NOL10: variants seen among roughly 807,000 people sequenced by gnomAD.
NOL10 encodes nucleolar protein 10.
NOL10 carries 58 observed loss-of-function variants against 103.5 expected under a neutral mutation model. That is an observed-to-expected ratio of 0.56 (90% confidence interval 0.45 to 0.70). NOL10 has a LOEUF of 0.70. Ranked by LOEUF, NOL10 falls within the 30% of genes least tolerant of loss-of-function variation. NOL10 has a pLI of 0.00. For synonymous variants in NOL10, 287 were observed against 282.5 expected (o/e 1.02, Z -0.16); for missense variants, 763 against 807.3 (o/e 0.95, Z 0.67).
chr2:10,625,373 A>G (rs1285614041), intron 13 of NOL10, among the ~76,000 whole-genome samples: 2 of 152,162 alleles, frequency 1.3e-5, no homozygotes, highest in African/African-American at 4.8e-5. Flanking sequence ...GAGGGACATA[A>G]GAACTCTGTA....
intron 12 of NOL10, among the ~76,000 whole-genome samples, chr2:10,647,186 A>ACAG (rs1679137693): frequency 8.5e-6 from 1 of 118,220 alleles, no homozygotes; most frequent in Non-Finnish European, 1.7e-5. Flanking sequence ...ACTATAGTGT[A>ACAG]TAGTACGCTG....
intron 3 of NOL10, among the ~76,000 whole-genome samples, chr2:10,676,538 T>G (rs910494347): frequency 2.6e-5 from 4 of 151,918 alleles, no homozygotes; most frequent in Non-Finnish European, 5.9e-5. Context: ...AAACGTACTA[T>G]AAAGTAAAAG....
At chr2:10,574,792 ATCTG>A (rs1219724210) in intron 20 of NOL10, among the ~76,000 whole-genome samples, 1 of 152,190 alleles carries the variant, frequency 6.6e-6, no homozygotes, top group Non-Finnish European at 1.5e-5. Flanking sequence ...TTTTTCCCTT[ATCTG>A]TCTGATGGCA....
chr2:10,651,336 C>A (rs1372750494), intron 12 of NOL10, among the ~76,000 whole-genome samples: 1 of 152,168 alleles, frequency 6.6e-6, no homozygotes, highest in Non-Finnish European at 1.5e-5. Context: ...GGTTGAAGCT[C>A]TCCCAGTTTA....
At chr2:10,636,546 G>A (rs1357915733) in intron 13 of NOL10, among the ~76,000 whole-genome samples, 2 of 150,172 alleles carry the variant, frequency 1.3e-5, no homozygotes, top group Non-Finnish European at 3.0e-5. Flanking sequence ...AAGTTGTGAC[G>A]CTGCAGTGAG....
At chr2:10,661,557 G>C (rs915797905) in intron 9 of NOL10, among the ~76,000 whole-genome samples, 1 of 152,028 alleles carries the variant, frequency 6.6e-6, no homozygotes, top group Non-Finnish European at 1.5e-5. Context: ...TTTTAGTAGA[G>C]ACAGGGTTTC....
At chr2:10,640,179 C>A (rs1488147967) in intron 13 of NOL10, among the ~76,000 whole-genome samples, 1 of 152,224 alleles carries the variant, frequency 6.6e-6, no homozygotes, top group Non-Finnish European at 1.5e-5. Flanking sequence ...ACATTAAACA[C>A]ACATTTCTTT....
intron 17 of NOL10, among the ~76,000 whole-genome samples, chr2:10,590,476 C>T (rs1457367448): frequency 2.6e-5 from 4 of 152,292 alleles, no homozygotes; most frequent in African/African-American, 4.8e-5. Context: ...GATTCCAAAA[C>T]TGGGAGAGGA....
chr2:10,663,088 G>A (rs778864999), intron 8 of NOL10, 44 bp from the exon 9 acceptor site: 82 of 1,509,044 alleles, frequency 5.4e-5, no homozygotes, highest in South Asian at 1.0e-4. Context: ...TGTAGAAGGC[G>A]GGGCATGGTG....
chr2:10,574,646 C>CTAAA (rs1674360374), intron 20 of NOL10, among the ~76,000 whole-genome samples: 1 of 116,544 alleles, frequency 8.6e-6, no homozygotes, highest in Admixed American at 8.9e-5. Context: ...GACTCTGTCT[C>CTAAA]AAAAAAAAAA....
intron 12 of NOL10, among the ~76,000 whole-genome samples, chr2:10,652,198 C>A (rs530288693): frequency 6.6e-6 from 1 of 151,380 alleles, no homozygotes; most frequent in East Asian, 2.0e-4. Flanking sequence ...TGAGATTGCG[C>A]CACTGCACTC....
intron 19 of NOL10, among the ~76,000 whole-genome samples, chr2:10,581,516 A>G (rs6722126): frequency 0.34 from 52,287 of 152,072 alleles, 9,424 homozygotes; most frequent in Non-Finnish European, 0.4. Context: ...GCTGCTAAAC[A>G]AAAAGAGCAA....
rs1039409847 is a variant in NOL10 at position 10,589,385 on chromosome 2, C to T, written c.1597-95G>A. The T allele has an allele frequency of 3.4e-6, 5 of 1,490,230 alleles. No homozygotes were observed. The African/African-American group carries it at 7.0e-5, about 21-fold the overall frequency. 92.3% of individuals were successfully genotyped at this position (1,490,230 alleles called of 1,614,324 possible). ...GCAGCACTGGCCCATTAATGAGTGC[C>T]TAACAGCTGCTCTACTGCATGCATC... On this transcript the variant is annotated intron_variant, in intron 18 of 20. Transcript: ENST00000381685.
chr2:10,611,405 G>A (rs1301831468), intron 13 of NOL10, among the ~76,000 whole-genome samples: 1 of 152,166 alleles, frequency 6.6e-6, no homozygotes, highest in Non-Finnish European at 1.5e-5. Context: ...ATTACAATTT[G>A]TCTTTAAGAT....
intron 17 of NOL10, 139 bp downstream of exon 17, chr2:10,600,714 A>G (rs1193941844): frequency 1.8e-5 from 11 of 601,064 alleles, no homozygotes; most frequent in Non-Finnish European, 2.9e-5. Context: ...CAGACTTCCC[A>G]TCTTAAGCAT....
chr2:10,652,018 G>A (rs1679497105), intron 12 of NOL10, among the ~76,000 whole-genome samples: 1 of 152,086 alleles, frequency 6.6e-6, no homozygotes, highest in Non-Finnish European at 1.5e-5. Context: ...GAGGCGGGCA[G>A]ATCACGAGGT....
intron 3 of NOL10, among the ~76,000 whole-genome samples, chr2:10,679,633 T>A (rs1258640962): frequency 3.0e-5 from 3 of 98,446 alleles, no homozygotes; most frequent in African/African-American, 8.1e-5. Context: ...TCTCTCTTTC[T>A]TTCTTTCTTT....
At chr2:10,606,215 T>C (rs6761678) in intron 14 of NOL10, among the ~76,000 whole-genome samples, 89,305 of 149,754 alleles carry the variant, frequency 0.6, 27,355 homozygotes, top group African/African-American at 0.74. Flanking sequence ...CTTCTGGCAA[T>C]GTACATTTAT....
chr2:10,683,696 T>C (rs1452721493), intron 2 of NOL10, among the ~76,000 whole-genome samples: 4 of 152,198 alleles, frequency 2.6e-5, no homozygotes, highest in South Asian at 2.1e-4. Context: ...AGCAGTGGAC[T>C]TCCCAAGCTG....
Sources: gnomAD v4.1 joint callset for allele counts (sites outside exome capture counted in the v4.1 genomes callset) on GRCh38, gnomAD v4.1.1 for gene constraint, MANE v1.5 for transcripts, NCBI Gene and HGNC (gene_info 2026-07-23, HGNC 2026-07-21) for gene names.